PDE9A: variants seen among roughly 807,000 people sequenced by gnomAD.
PDE9A encodes the protein phosphodiesterase 9A, also known as high affinity cGMP-specific 3',5'-cyclic phosphodiesterase 9A.
PDE9A carries 60 observed loss-of-function variants against 87.4 expected under a neutral mutation model. The observed-to-expected ratio is 0.69, with a 90% CI of 0.56 to 0.85. The LOEUF (loss-of-function observed/expected upper bound fraction) is 0.85, where lower values mean the gene tolerates loss of function less well. Among genes scored for constraint, PDE9A ranks in the 40% least tolerant of loss-of-function variants. PDE9A has a pLI of 0.00. For synonymous variants in PDE9A, 272 were observed against 279.4 expected (o/e 0.97, Z 0.27); for missense variants, 665 against 779.0 (o/e 0.85, Z 1.74).
rs1004841599 is a variant in PDE9A at position 42,754,193 on chromosome 21, A to AC, written c.810+129_810+130insC. The AC allele has an allele frequency of 5.0e-4, 303 of 611,668 alleles. 3 individuals are homozygous for AC. Among genetic ancestry groups the AC allele is most frequent in the South Asian group, 1.4e-3 (71 of 51,188 alleles). 37.9% of individuals were successfully genotyped at this position (611,668 alleles called of 1,614,324 possible). A position where few individuals can be genotyped will look rare whatever the true frequency, so the allele number is the denominator to read the frequency against. On this transcript the variant is annotated intron_variant, in intron 10 of 19. Coordinates refer to ENST00000291539, the MANE Select transcript of PDE9A (RefSeq NM_002606.3). ...CTCTTCTTTTTAAAGACTGAAAAAA[A>AC]AAAACAAAACTTGTTTTGCCAGGTT...
rs911748174 is a variant in PDE9A, at chr21:42,725,151, C to A, written c.263-6619C>A. ...TCCCCCACAAGGATCCCACCTGCCG[C>A]TCTTTAATAGCCACGCTGCTTCCCT... On this transcript the variant is annotated intron_variant, in intron 4 of 19. Transcript: ENST00000291539. Among the ~76,000 whole-genome samples the A allele has an allele frequency of 1.5e-4, 23 of 152,322 alleles. 1 individual carries two copies. Among genetic ancestry groups the A allele is most frequent in the African/African-American group, 5.5e-4 (23 of 41,580 alleles).
chr21:42,660,366 G>A lies in PDE9A; in HGVS notation c.69+6483G>A, dbSNP rs984645957. ...GGTGCGGGGCCTGCAGGGACGGCTC[G>A]CAGAGAAGGCAGTTTGCGAGTCAGT... On this transcript the variant is annotated intron_variant, in intron 1 of 19. Coordinates refer to ENST00000291539, the MANE Select transcript of PDE9A (RefSeq NM_002606.3). The surrounding 1 kb of genome is among the most constrained non-coding windows in gnomAD (Gnocchi z 4.7). 2.6e-5 allele frequency among the ~76,000 whole-genome samples: 4 copies of A among 152,122 alleles called. No homozygotes were observed. Among genetic ancestry groups the A allele is most frequent in the Non-Finnish European group, 5.9e-5 (4 of 67,994 alleles).
chr21:42,761,223 A>G (rs2055728528), intron 13 of PDE9A, among the ~76,000 whole-genome samples: 1 of 152,254 alleles, frequency 6.6e-6, no homozygotes, highest in African/African-American at 2.4e-5. Flanking sequence ...GGCAGGGAGC[A>G]ACACCTGTCC....
At position 42,709,589 on chromosome 21, in the gene PDE9A, T is replaced by G. The variant is rs80250180; in HGVS notation, c.262+10578T>G. Among the ~76,000 whole-genome samples, 412 of 152,358 alleles carry G rather than the reference T, an allele frequency of 2.7e-3. 1 individual carries two copies. The highest frequency in any genetic ancestry group is 9.3e-3 in the African/African-American group (385 of 41,586). On this transcript the variant is annotated intron_variant, in intron 4 of 19. Coordinates refer to ENST00000291539, the MANE Select transcript of PDE9A (RefSeq NM_002606.3). Reference sequence around the variant, plus strand: ...AGTCCTCACTGTGGAGTGCTCTGCCTATTTTTGAGTTTCACGGAGTTGAAA... The same window carrying G: ...AGTCCTCACTGTGGAGTGCTCTGCCGATTTTTGAGTTTCACGGAGTTGAAA...
rs1419474763 is a variant in PDE9A at position 42,692,789 on chromosome 21, C to T, written c.218+4795C>T. Among the ~76,000 whole-genome samples, 1 of 151,942 alleles carries T rather than the reference C, an allele frequency of 6.6e-6. No individual in the cohort carries two copies. Among genetic ancestry groups the T allele is most frequent in the Non-Finnish European group, 1.5e-5 (1 of 68,030 alleles). On this transcript the variant is annotated intron_variant, in intron 3 of 19. Transcript: ENST00000291539. The surrounding 1 kb of genome is among the most constrained non-coding windows in gnomAD (Gnocchi z 4.3). ...CTGCCTCCCCCTTGGCTTCTCCCCT[C>T]TTCCTCTCCTCCACTCGGTGCCTGG...
chr21:42,717,494 A>T lies in PDE9A; in HGVS notation c.263-14276A>T, dbSNP rs545464045. ...AGGAGGTGGAGGTTGCAGTGAACTG[A>T]GATCTCACTACTGCACTCCAGCCTG... On this transcript the variant is annotated intron_variant, in intron 4 of 19. Coordinates refer to ENST00000291539, the MANE Select transcript of PDE9A (RefSeq NM_002606.3). Among the ~76,000 whole-genome samples, 5 of 150,354 alleles carry T rather than the reference A, an allele frequency of 3.3e-5. No homozygotes were observed. The East Asian group carries it at 7.8e-4, about 24-fold the overall frequency.
chr21:42,762,112 C>A lies in PDE9A; in HGVS notation c.1115C>A (p.Ala372Glu), dbSNP rs773230932. 6.2e-7 allele frequency: 1 copy of A among 1,613,990 alleles called. No individual in the cohort carries two copies. The highest frequency in any genetic ancestry group is 1.7e-5 in the Admixed American group (1 of 60,014). Reference protein sequence around the residue: ...TYQINARTELAVRYNDISPLE... With the variant: ...TYQINARTELEVRYNDISPLE... ...CAGATCAATGCCCGCACAGAGCTGG[C>A]GGTCCGCTACAATGACATCTCACCG... The change falls in exon 14 of 20, where the codon GCG becomes GAG. Residue 372 changes from alanine (A) to glutamate (E), a missense_variant. Ala to Glu is a moderately radical substitution (Grantham distance 107). Transcript: ENST00000291539.
Position 42,675,869 on chromosome 21 carries a change from C to G in PDE9A, c.70-10323C>G, listed in dbSNP as rs933727135. ...GTTTAGATATTTGTCCCCGCCAAATCTCATGTTGAATTGGTATCCTCAGTG... is the reference window on the plus strand; with the variant it reads ...GTTTAGATATTTGTCCCCGCCAAATGTCATGTTGAATTGGTATCCTCAGTG... On this transcript the variant is annotated intron_variant, in intron 1 of 19. Coordinates refer to ENST00000291539, the MANE Select transcript of PDE9A (RefSeq NM_002606.3). The surrounding 1 kb of genome is among the most constrained non-coding windows in gnomAD (Gnocchi z 4.3). Among the ~76,000 whole-genome samples the G allele has an allele frequency of 3.9e-5, 6 of 152,210 alleles. No homozygotes were observed. The highest frequency in any genetic ancestry group is 1.4e-4 in the African/African-American group (6 of 41,446).
In PDE9A at chr21:42,723,342, C is replaced by T. The variant is rs2050721372; in HGVS notation, c.263-8428C>T. ...ATGCAAACAATTCTGCCAGCCCCGG[C>T]CAGCATTCCCTGCATGTGCTTATCA... On this transcript the variant is annotated intron_variant, in intron 4 of 19. Coordinates refer to ENST00000291539, the MANE Select transcript of PDE9A (RefSeq NM_002606.3). The surrounding 1 kb of genome is among the most constrained non-coding windows in gnomAD (Gnocchi z 4.3). 1.3e-5 allele frequency among the ~76,000 whole-genome samples: 2 copies of T among 152,226 alleles called. No homozygotes were observed. The highest frequency in any genetic ancestry group is 2.9e-5 in the Non-Finnish European group (2 of 68,046).
At chr21:42,657,794 C>T (rs1004250316) in intron 1 of PDE9A, among the ~76,000 whole-genome samples, 1 of 152,226 alleles carries the variant, frequency 6.6e-6, no homozygotes, top group East Asian at 1.9e-4. Flanking sequence ...CTGCCCTGAC[C>T]TGGCGGCCCC....
chr21:42,680,064 G>C (rs2059080308), intron 1 of PDE9A, among the ~76,000 whole-genome samples: 1 of 152,208 alleles, frequency 6.6e-6, no homozygotes, highest in Admixed American at 6.5e-5. Flanking sequence ...GGGCGGGCCT[G>C]GGCTCTCGCA....
At chr21:42,741,571 G>C (rs2053262676) in intron 7 of PDE9A, 1 of 152,240 alleles carries the variant, frequency 6.6e-6, no homozygotes, top group Admixed American at 6.5e-5. Flanking sequence ...GGGTGGAGAA[G>C]GTTTCTGTAG....
chr21:42,670,397 AACATTCACACAT>A (rs1402967417), intron 1 of PDE9A, among the ~76,000 whole-genome samples: 3 of 92,714 alleles, frequency 3.2e-5, no homozygotes, highest in African/African-American at 1.2e-4. Flanking sequence ...TACATTCACA[AACATTCACACAT>A]ACATTCACAC....
chr21:42,704,303 C>G lies in PDE9A; in HGVS notation c.262+5292C>G, dbSNP rs2048625928. ...CCCTCCCACATCTCCATAGTCACAT[C>G]CTGGCTGGGCTAACACCACCTTTCC... On this transcript the variant is annotated intron_variant, in intron 4 of 19. Coordinates refer to ENST00000291539, the MANE Select transcript of PDE9A (RefSeq NM_002606.3). This position sits in a 1 kb window ranked among gnomAD's most constrained non-coding sequence, Gnocchi z 5.3. 6.6e-6 allele frequency among the ~76,000 whole-genome samples: 1 copy of G among 152,154 alleles called. No individual in the cohort carries two copies. The highest frequency in any genetic ancestry group is 2.1e-4 in the South Asian group (1 of 4,824).
intron 1 of PDE9A, among the ~76,000 whole-genome samples, chr21:42,677,538 C>A (rs2058920485): frequency 6.6e-6 from 1 of 152,226 alleles, no homozygotes; most frequent in Non-Finnish European, 1.5e-5. Flanking sequence ...CCCCGCGACC[C>A]AGCCCCTAAG....
intron 1 of PDE9A, among the ~76,000 whole-genome samples, chr21:42,661,342 T>TA (rs2057468648): frequency 5.3e-5 from 8 of 151,568 alleles, no homozygotes. Flanking sequence ...TTTTTTTTTT[T>TA]AATTTTAAAT....
intron 7 of PDE9A, among the ~76,000 whole-genome samples, chr21:42,737,862 T>G (rs774674714): frequency 4.6e-5 from 7 of 152,246 alleles, no homozygotes; most frequent in South Asian, 2.1e-4. Flanking sequence ...ATTTCCTGCT[T>G]CTTCTTAAAT....
chr21:42,665,973 G>T (rs767967755), intron 1 of PDE9A, among the ~76,000 whole-genome samples: 2 of 152,234 alleles, frequency 1.3e-5, no homozygotes, highest in African/African-American at 2.4e-5. Flanking sequence ...TGTGGACCGT[G>T]AGAAGGGAGT....
intron 13 of PDE9A, 123 bp downstream of exon 13, chr21:42,761,030 C>T: frequency 1.4e-6 from 1 of 705,762 alleles, no homozygotes; most frequent in Non-Finnish European, 2.6e-6. Flanking sequence ...TCCCAGCCCC[C>T]AACTCTGCCT....
Sources: gnomAD v4.1 joint callset for allele counts (sites outside exome capture counted in the v4.1 genomes callset) on GRCh38, gnomAD v4.1.1 for gene constraint, Gnocchi (gnomAD v3.1) non-coding constraint, MANE v1.5 for transcripts, NCBI Gene and HGNC (gene_info 2026-07-23, HGNC 2026-07-21) for gene names.